Variants in VPS13B observed in about 807,000 individuals in gnomAD.
VPS13B encodes vacuolar protein sorting 13 homolog B, also known as intermembrane lipid transfer protein VPS13B.
In VPS13B, 285 loss-of-function variants were observed where a neutral mutation model predicts 426.4. The ratio of observed to expected loss-of-function variants is 0.67; its 90% CI spans 0.61 to 0.74. The LOEUF is 0.74. VPS13B is among the 30% of genes least tolerant of loss of function. The pLI is 0.00. For synonymous variants in VPS13B, 1,676 were observed against 1,676.4 expected (o/e 1.00, Z 0.01); for missense variants, 4,537 against 4,782.6 (o/e 0.95, Z 1.51).
chr8:99,040,831 T>C (rs1388576926), intron 3 of VPS13B, among the ~76,000 whole-genome samples: 1 of 152,100 alleles, frequency 6.6e-6, no homozygotes. Flanking sequence ...GATTAAAAGG[T>C]AGGAATATGA....
At chr8:99,417,522 A>G (rs1229915938) in intron 21 of VPS13B, among the ~76,000 whole-genome samples, 1 of 152,170 alleles carries the variant, frequency 6.6e-6, no homozygotes, top group East Asian at 1.9e-4. Context: ...GAAGTGCTTT[A>G]GCTCATTTAC....
At chr8:99,425,893 T>C (rs933619183) in intron 21 of VPS13B, among the ~76,000 whole-genome samples, 5 of 152,062 alleles carry the variant, frequency 3.3e-5, no homozygotes, top group Admixed American at 3.3e-4. Flanking sequence ...TCACAAGCAT[T>C]CTGTTTTTTG....
intron 36 of VPS13B, among the ~76,000 whole-genome samples, chr8:99,712,985 A>C (rs886271962): frequency 4.6e-5 from 7 of 152,186 alleles, no homozygotes; most frequent in Non-Finnish European, 7.3e-5. Context: ...GATATGCATC[A>C]TATAGAATGA....
At chr8:99,486,862 C>T (rs1162469465) in intron 25 of VPS13B, among the ~76,000 whole-genome samples, 7 of 152,038 alleles carry the variant, frequency 4.6e-5, no homozygotes, top group Admixed American at 4.6e-4. Context: ...TCAAGTTTTG[C>T]TATCGTATTA....
intron 42 of VPS13B, among the ~76,000 whole-genome samples, chr8:99,781,719 A>G (rs1043846394): frequency 6.6e-6 from 1 of 152,166 alleles, no homozygotes; most frequent in African/African-American, 2.4e-5. Flanking sequence ...AGAGATGAAG[A>G]AAGTAATATG....
intron 3 of VPS13B, among the ~76,000 whole-genome samples, chr8:99,064,291 G>C (rs1440822148): frequency 6.6e-6 from 1 of 152,044 alleles, no homozygotes; most frequent in African/African-American, 2.4e-5. Flanking sequence ...TCAGAAGGTG[G>C]GTAATAACAA....
At chr8:99,767,531 C>T (rs984300721) in intron 40 of VPS13B, among the ~76,000 whole-genome samples, 2 of 147,188 alleles carry the variant, frequency 1.4e-5, no homozygotes, top group Non-Finnish European at 3.0e-5. Flanking sequence ...CGACAGTCCT[C>T]CAGACACTAA....
intron 17 of VPS13B, chr8:99,209,576 T>C (rs556764978): frequency 4.3e-5 from 12 of 281,622 alleles, no homozygotes; most frequent in South Asian, 3.4e-4. Flanking sequence ...ATTTTTTTTT[T>C]TTTTTTACTT....
intron 19 of VPS13B, among the ~76,000 whole-genome samples, chr8:99,292,915 T>C (rs1819815677): frequency 6.6e-6 from 1 of 152,170 alleles, no homozygotes; most frequent in Non-Finnish European, 1.5e-5. Context: ...TAGCTTCTTT[T>C]CACTATCTTT....
chr8:99,169,911 G>C, intron 15 of VPS13B, 128 bp from the exon 16 acceptor site: 3 of 1,142,918 alleles, frequency 2.6e-6, no homozygotes, highest in Non-Finnish European at 3.9e-6. Context: ...CGTTTGGGAA[G>C]TGGAAAAAGA....
chr8:99,135,015 G>A lies in VPS13B; in HGVS notation c.1303G>A (p.Ala435Thr). Reference protein sequence around the residue: ...CWEQEGTTVEALMMGEPFFDC... With the variant: ...CWEQEGTTVETLMMGEPFFDC... ...TCTAATGTTTCCTTTCGTCTTATAG[G>A]CCCTTATGATGGGAGAACCTTTCTT... The change falls in exon 10 of 62, where the codon GCC becomes ACC. Residue 435 changes from alanine (A) to threonine (T), a missense_variant and splice_region_variant. Transcript: ENST00000357162. 6.2e-7 allele frequency: 1 copy of A among 1,613,368 alleles called. No individual in the cohort carries two copies. The highest frequency in any genetic ancestry group is 8.5e-7 in the Non-Finnish European group (1 of 1,179,534).
chr8:99,488,176 T>C (rs1325529851), intron 25 of VPS13B, among the ~76,000 whole-genome samples: 1 of 152,186 alleles, frequency 6.6e-6, no homozygotes, highest in Non-Finnish European at 1.5e-5. Context: ...ATTTCTGTCA[T>C]CTTAATATCA....
chr8:99,648,786 T>C (rs1275262076), intron 34 of VPS13B, among the ~76,000 whole-genome samples: 1 of 152,160 alleles, frequency 6.6e-6, no homozygotes, highest in Non-Finnish European at 1.5e-5. Flanking sequence ...GGGAAAGTGG[T>C]CTTTTGTATT....
chr8:99,230,763 G>T (rs1433644354), intron 17 of VPS13B, among the ~76,000 whole-genome samples: 1 of 152,190 alleles, frequency 6.6e-6, no homozygotes, highest in Non-Finnish European at 1.5e-5. Flanking sequence ...AATGGAAATT[G>T]TTACAGTTTT....
chr8:99,519,268 G>T (rs888816080), intron 29 of VPS13B, among the ~76,000 whole-genome samples: 8 of 152,134 alleles, frequency 5.3e-5, no homozygotes, highest in Non-Finnish European at 1.2e-4. Context: ...TCTCACACCA[G>T]TTAGAATGGT....
At chr8:99,249,517 T>A (rs1218117538) in intron 17 of VPS13B, among the ~76,000 whole-genome samples, 1 of 149,764 alleles carries the variant, frequency 6.7e-6, no homozygotes, top group African/African-American at 2.5e-5. Context: ...AGCCCCTCCC[T>A]GGTTCACGCC....
intron 35 of VPS13B, among the ~76,000 whole-genome samples, chr8:99,675,882 C>CT (rs1261389811): frequency 6.6e-6 from 1 of 151,874 alleles, no homozygotes; most frequent in African/African-American, 2.4e-5. Context: ...TTTCCTGAGG[C>CT]TTATTGAGTT....
chr8:99,700,060 G>A, intron 36 of VPS13B, 128 bp downstream of exon 36: 2 of 866,978 alleles, frequency 2.3e-6, no homozygotes, highest in Non-Finnish European at 3.5e-6. Flanking sequence ...TAGAGATGAG[G>A]ACATTTCTGG....
chr8:99,515,071 A>G (rs769532029), intron 29 of VPS13B, among the ~76,000 whole-genome samples: 5 of 152,198 alleles, frequency 3.3e-5, no homozygotes, highest in Non-Finnish European at 7.3e-5. Context: ...TTTCTGTGAT[A>G]CTTACCAATG....
Sources: allele counts gnomAD v4.1 joint callset (sites outside exome capture counted in the v4.1 genomes callset), GRCh38; gene constraint gnomAD v4.1.1; transcripts MANE v1.5; gene names NCBI Gene and HGNC (gene_info 2026-07-23, HGNC 2026-07-21).